The following FKBP5 variants were observed in gnomAD, a reference collection of about 807,000 sequenced individuals.
FKBP5 encodes the protein FKBP prolyl isomerase 5, also known as peptidyl-prolyl cis-trans isomerase FKBP5.
Under a neutral mutation model 50.5 loss-of-function variants are expected in FKBP5, and 23 were observed. The observed-to-expected ratio is 0.46, with a 90% CI of 0.33 to 0.65. The LOEUF is 0.65. FKBP5 is among the 30% of genes least tolerant of loss of function. The pLI is 0.02. For synonymous variants in FKBP5, 176 were observed against 190.6 expected (o/e 0.92, Z 0.63); for missense variants, 411 against 553.1 (o/e 0.74, Z 2.58).
intron 3 of FKBP5, among the ~76,000 whole-genome samples, chr6:35,623,638 T>C (rs936850554): frequency 6.6e-6 from 1 of 151,620 alleles, no homozygotes; most frequent in African/African-American, 2.4e-5. Flanking sequence ...GATGTGAGTA[T>C]AGCTTACTGC....
At chr6:35,714,487 A>G (rs1158799041) in intron 2 of FKBP5, among the ~76,000 whole-genome samples, 2 of 148,706 alleles carry the variant, frequency 1.3e-5, no homozygotes, top group African/African-American at 5.0e-5. Flanking sequence ...AACAAGATGT[A>G]TAGGATTTTA....
chr6:35,642,123 G>T (rs1398952813), intron 2 of FKBP5, among the ~76,000 whole-genome samples: 3 of 152,088 alleles, frequency 2.0e-5, no homozygotes, highest in Non-Finnish European at 4.4e-5. Context: ...TGTACTAAAA[G>T]GATACATTAA....
chr6:35,707,326 C>T (rs1766336756), intron 2 of FKBP5, among the ~76,000 whole-genome samples: 1 of 148,040 alleles, frequency 6.8e-6, no homozygotes, highest in Non-Finnish European at 1.5e-5. Flanking sequence ...AAGCAATTCT[C>T]CTGCCTCAGC....
intron 1 of FKBP5, among the ~76,000 whole-genome samples, chr6:35,667,827 T>C (rs771066518): frequency 6.6e-5 from 10 of 151,904 alleles, no homozygotes; most frequent in Non-Finnish European, 1.2e-4. Flanking sequence ...CAACTAGGCA[T>C]GGTGGCGGGC....
chr6:35,623,994 T>G (rs1032720700), intron 3 of FKBP5, among the ~76,000 whole-genome samples: 2 of 151,758 alleles, frequency 1.3e-5, no homozygotes, highest in Non-Finnish European at 2.9e-5. Flanking sequence ...AGCCATTGCA[T>G]CAGCCCAGTT....
At chr6:35,660,264 ATTT>A (rs773891773) in intron 1 of FKBP5, among the ~76,000 whole-genome samples, 1 of 46,714 alleles carries the variant, frequency 2.1e-5, no homozygotes, top group Admixed American at 2.4e-4. Flanking sequence ...CATTGATGCT[ATTT>A]TTTTTTTTTT....
At chr6:35,592,091 C>T (rs1762839272) in intron 6 of FKBP5, among the ~76,000 whole-genome samples, 1 of 152,224 alleles carries the variant, frequency 6.6e-6, no homozygotes, top group African/African-American at 2.4e-5. Context: ...GAACAAGGCC[C>T]AGCATATTAG....
chr6:35,614,109 G>T (rs76813839), intron 5 of FKBP5, among the ~76,000 whole-genome samples: 11,046 of 152,142 alleles, frequency 0.073, 794 homozygotes, highest in African/African-American at 0.2. Context: ...GCTCAGGATG[G>T]TCTCAAATTC....
rs776275936 is a variant in FKBP5, at chr6:35,591,135, C to T, written c.751G>A (p.Glu251Lys). Residue 251 changes from glutamate to lysine, a missense_variant, in exon 7 of 11, where the codon GAA (glutamate) becomes AAA (lysine). This residue lies in a region of FKBP5 where 267 missense variants were observed against 405.9 expected (regional missense o/e 0.66). Coordinates refer to ENST00000357266, the MANE Select transcript of FKBP5 (RefSeq NM_004117.4). ...GGAAGTTGGTATTTTCTCACCTTTT[C>T]GAAGCTCTTAAGTGTAACTTCATAT... ...LIYEVTLKSF[E>K]KAKESWEMDT... 12 of 1,603,436 alleles carry T rather than the reference C, an allele frequency of 7.5e-6. No homozygotes were observed. The highest frequency in any genetic ancestry group is 4.5e-5 in the South Asian group (4 of 88,900).
At chr6:35,676,282 C>T (rs1417196090) in intron 1 of FKBP5, among the ~76,000 whole-genome samples, 1 of 152,198 alleles carries the variant, frequency 6.6e-6, no homozygotes, top group Non-Finnish European at 1.5e-5. Context: ...CTTCTCCTAA[C>T]CGCTATCGGA....
chr6:35,677,889 C>A (rs1169677839), intron 1 of FKBP5, among the ~76,000 whole-genome samples: 1 of 151,776 alleles, frequency 6.6e-6, no homozygotes, highest in Non-Finnish European at 1.5e-5. Context: ...GTTCAAGTGA[C>A]CCTCCCACCT....
At chr6:35,622,468 G>A (rs1763874223) in intron 3 of FKBP5, among the ~76,000 whole-genome samples, 1 of 151,494 alleles carries the variant, frequency 6.6e-6, no homozygotes, top group Non-Finnish European at 1.5e-5. Flanking sequence ...CAATGATTAT[G>A]TCACTGCACT....
chr6:35,726,287 T>G (rs575453830), intron 1 of FKBP5, among the ~76,000 whole-genome samples: 2 of 151,988 alleles, frequency 1.3e-5, no homozygotes, highest in South Asian at 4.2e-4. Context: ...TACGTAGGAG[T>G]GGCAGGCCAG....
intron 3 of FKBP5, 106 bp from the exon 4 acceptor site, chr6:35,620,380 G>C (rs1389747754): frequency 1.7e-6 from 2 of 1,150,500 alleles, no homozygotes; most frequent in Non-Finnish European, 2.5e-6. Context: ...TACATACTCA[G>C]CTAGAAAGTA....
chr6:35,615,219 C>A (rs1047641910), intron 5 of FKBP5, among the ~76,000 whole-genome samples: 1 of 151,208 alleles, frequency 6.6e-6, no homozygotes, highest in East Asian at 1.9e-4. Context: ...TAGATGTATA[C>A]GTATGTATGT....
At chr6:35,585,562 A>G (rs144537644) in intron 8 of FKBP5, 2 of 985,310 alleles carry the variant, frequency 2.0e-6, no homozygotes, top group Admixed American at 1.2e-4. Context: ...ATTTTTCCCA[A>G]TTCTGAGCTT....
intron 8 of FKBP5, 47 bp downstream of exon 8, chr6:35,586,987 T>A (rs1297743098): frequency 1.2e-6 from 2 of 1,613,316 alleles, no homozygotes; most frequent in Non-Finnish European, 1.7e-6. Flanking sequence ...CACCAACACT[T>A]GAATAAATTC....
At chr6:35,630,860 CTT>C (rs907836198) in intron 3 of FKBP5, among the ~76,000 whole-genome samples, 10 of 152,194 alleles carry the variant, frequency 6.6e-5, no homozygotes, top group African/African-American at 1.9e-4. Context: ...GAAGTAAAAA[CTT>C]TTACTTTTCC....
intron 2 of FKBP5, among the ~76,000 whole-genome samples, chr6:35,715,642 A>G (rs1278922060): frequency 2.0e-5 from 3 of 152,216 alleles, no homozygotes; most frequent in Non-Finnish European, 4.4e-5. Flanking sequence ...GGGAACCAGG[A>G]GGAATTCCAT....
Sources: allele counts gnomAD v4.1 joint callset (sites outside exome capture counted in the v4.1 genomes callset), GRCh38; gene constraint gnomAD v4.1.1; regional missense constraint gnomAD v4.1.1; transcripts MANE v1.5; gene names NCBI Gene and HGNC (gene_info 2026-07-23, HGNC 2026-07-21).